The following SDK2 variants were observed in gnomAD, a reference collection of about 807,000 sequenced individuals.
The protein encoded by SDK2 is sidekick cell adhesion molecule 2, also known as protein sidekick-2.
A neutral mutation model predicts 253.9 loss-of-function variants in SDK2; 105 were observed. That is an observed-to-expected ratio of 0.41 (90% CI 0.35 to 0.49). The LOEUF is 0.49. Among genes scored for constraint, SDK2 ranks in the 20% least tolerant of loss-of-function variants. The pLI is 0.06. For synonymous variants in SDK2, 1,249 were observed against 1,234.9 expected (o/e 1.01, Z -0.24); for missense variants, 2,608 against 3,003.0 (o/e 0.87, Z 3.07).
At position 73,599,110 on chromosome 17, in the gene SDK2, C is replaced by G. The variant is rs141130862; in HGVS notation, c.64+44915G>C. On this transcript the variant is annotated intron_variant, in intron 1 of 44. Transcript: ENST00000392650. ...CTGAAGTCTCCGAGCTTCCAGAAGG[C>G]TGAGGCTGGATATTTTTCATTGTTG... Among the ~76,000 whole-genome samples, 897 of 152,348 alleles carry G rather than the reference C, an allele frequency of 5.9e-3. 6 individuals are homozygous for G. The highest frequency in any genetic ancestry group is 9.3e-3 in the Non-Finnish European group (635 of 68,040).
rs2063140985 is a variant in SDK2 at position 73,412,099 on chromosome 17, TATGTATACGTA to T, written c.2484+2534_2484+2544del. Among the ~76,000 whole-genome samples, 3 of 101,414 alleles carry T rather than the reference TATGTATACGTA, an allele frequency of 3.0e-5. 1 individual carries two copies. The highest frequency in any genetic ancestry group is 2.9e-4 in the South Asian group (1 of 3,472). 66.5% of individuals were successfully genotyped at this position (101,414 alleles called of 152,430 possible). A position where few individuals can be genotyped will look rare whatever the true frequency, so the allele number is the denominator to read the frequency against. On this transcript the variant is annotated intron_variant, in intron 18 of 44. Transcript: ENST00000392650. The stretch of plus-strand genomic sequence containing the variant: ...ATATGTATATGTATATATACGTATA[TATGTATACGTA>T]TATATGTATACGTATATATGTGTAT...
intron 2 of SDK2, among the ~76,000 whole-genome samples, chr17:73,490,696 TTATTA>T (rs771245851): frequency 2.6e-5 from 4 of 151,546 alleles, no homozygotes; most frequent in Non-Finnish European, 4.4e-5. Context: ...TGTATTATTA[TTATTA>T]TGTTTTAAGA....
chr17:73,431,381 TG>T lies in SDK2; in HGVS notation c.1480+120del. 1 of 969,700 alleles carries T rather than the reference TG, an allele frequency of 1.0e-6. No homozygotes were observed. The highest frequency in any genetic ancestry group is 1.5e-6 in the Non-Finnish European group (1 of 668,074). The allele number at this position is 969,700 out of a possible 1,614,324, so 60.1% of individuals were successfully genotyped here. ...GAAGGGCCCTGACTGGGACAGACACTGGGGATGGAGACACTGGTGGTATGAG... is the reference window on the plus strand; with the variant it reads ...GAAGGGCCCTGACTGGGACAGACACTGGGATGGAGACACTGGTGGTATGAG... On this transcript the variant is annotated intron_variant, in intron 11 of 44. Coordinates refer to ENST00000392650, the MANE Select transcript of SDK2 (RefSeq NM_001144952.2). The surrounding 1 kb of genome is among the most constrained non-coding windows in gnomAD (Gnocchi z 5.6).
chr17:73,636,914 C>T (rs761885490), intron 1 of SDK2, among the ~76,000 whole-genome samples: 5 of 152,054 alleles, frequency 3.3e-5, no homozygotes, highest in Non-Finnish European at 7.4e-5. Flanking sequence ...TGTGTATTAT[C>T]TCATTTAAGC....
chr17:73,432,874 A>ATG (rs995803749), intron 10 of SDK2, among the ~76,000 whole-genome samples: 1 of 151,864 alleles, frequency 6.6e-6, no homozygotes, highest in Non-Finnish European at 1.5e-5. Context: ...GTGTGTGCAT[A>ATG]TGTGTGTGTG....
chr17:73,447,795 GAACCTCCAGGGAGTGGGAGTGGA>G lies in SDK2; in HGVS notation c.480-70_480-48del, dbSNP rs2063464395. 2.6e-6 allele frequency: 4 copies of G among 1,550,324 alleles called. No homozygotes were observed. In the East Asian group the frequency reaches 9.8e-5, roughly 38 times the overall value. On this transcript the variant is annotated intron_variant, in intron 4 of 44. Coordinates refer to ENST00000392650, the MANE Select transcript of SDK2 (RefSeq NM_001144952.2). This position sits in a 1 kb window ranked among gnomAD's most constrained non-coding sequence, Gnocchi z 4.0. ...CTCTGACAGGGGCCTAAGGGGCTCTGAACCTCCAGGGAGTGGGAGTGGAAACCCTAAGGGGGAAGCCCGACCAT... is the reference window on the plus strand; with the variant it reads ...CTCTGACAGGGGCCTAAGGGGCTCTGAACCCTAAGGGGGAAGCCCGACCAT...
At chr17:73,363,858 C>T (rs544773924) in intron 38 of SDK2, among the ~76,000 whole-genome samples, 2 of 152,200 alleles carry the variant, frequency 1.3e-5, no homozygotes, top group South Asian at 4.2e-4. Context: ...CACTCCGGCC[C>T]TGCACCTGAC....
Position 73,338,210 on chromosome 17 carries a change from CT to C in SDK2, c.*376del. On this transcript the variant is annotated 3_prime_UTR_variant, in exon 45 of 45. Coordinates refer to ENST00000392650, the MANE Select transcript of SDK2 (RefSeq NM_001144952.2). This position sits in a 1 kb window ranked among gnomAD's most constrained non-coding sequence, Gnocchi z 5.0. ...GGGCAGCTGGCTGGACATCCAGAAG[CT>C]TTTTCTTCCCTCGGCCACGCCTGCC... 1 of 369,132 alleles carries C rather than the reference CT, an allele frequency of 2.7e-6. No individual in the cohort carries two copies. Among genetic ancestry groups the C allele is most frequent in the Non-Finnish European group, 5.3e-6 (1 of 188,896 alleles). 22.9% of individuals were successfully genotyped at this position (369,132 alleles called of 1,614,324 possible).
At chr17:73,498,451 C>T (rs980059106) in intron 2 of SDK2, among the ~76,000 whole-genome samples, 3 of 152,198 alleles carry the variant, frequency 2.0e-5, no homozygotes, top group African/African-American at 7.2e-5. Context: ...GCAGGCGGGG[C>T]TGGCACTGCC....
intron 3 of SDK2, among the ~76,000 whole-genome samples, chr17:73,468,709 T>C (rs2063621739): frequency 6.6e-6 from 1 of 151,808 alleles, no homozygotes; most frequent in Non-Finnish European, 1.5e-5. Context: ...TTATTTTTAG[T>C]AGAGATGGGG....
In SDK2 at chr17:73,383,038, A is replaced by C. The variant is rs1235662799; in HGVS notation, c.4705+838T>G. 6.6e-6 allele frequency among the ~76,000 whole-genome samples: 1 copy of C among 152,078 alleles called. No homozygotes were observed. The highest frequency in any genetic ancestry group is 2.4e-5 in the African/African-American group (1 of 41,372). ...AGCGAGACTCTGTCTAAAAAAACCCAAAAAACAAAAAAACCTCAAGTCCTG... is the reference window on the plus strand; with the variant it reads ...AGCGAGACTCTGTCTAAAAAAACCCCAAAAACAAAAAAACCTCAAGTCCTG... On this transcript the variant is annotated intron_variant, in intron 33 of 44. Transcript: ENST00000392650. This position sits in a 1 kb window ranked among gnomAD's most constrained non-coding sequence, Gnocchi z 4.3.
rs574613742 is a variant in SDK2, at chr17:73,383,760, G to T, written c.4705+116C>A. The T allele has an allele frequency of 1.1e-5, 14 of 1,263,772 alleles. No individual in the cohort carries two copies. The East Asian group carries it at 2.4e-4, about 21-fold the overall frequency. The allele number at this position is 1,263,772 out of a possible 1,614,324, so 78.3% of individuals were successfully genotyped here. ...GGAGGAGGGAGAGGCACACATGGAG[G>T]AGGGAGGCAAGGTTTCAGGTTAGAG... On this transcript the variant is annotated intron_variant, in intron 33 of 44. Transcript: ENST00000392650. This position sits in a 1 kb window ranked among gnomAD's most constrained non-coding sequence, Gnocchi z 4.3.
chr17:73,401,095 T>C lies in SDK2; in HGVS notation c.2896A>G (p.Ile966Val), dbSNP rs866277042. 1.3e-6 allele frequency: 2 copies of C among 1,567,368 alleles called. No homozygotes were observed. Among genetic ancestry groups the C allele is most frequent in the East Asian group, 2.4e-5 (1 of 42,256 alleles). Residue 966 changes from isoleucine to valine, a missense_variant, in exon 21 of 45, where the codon ATC (isoleucine) becomes GTC (valine). Physicochemically the swap from Ile to Val is conservative, Grantham distance 29. Coordinates refer to ENST00000392650, the MANE Select transcript of SDK2 (RefSeq NM_001144952.2). ...TTTGAGGTCATGGCGGCCACCTCGATGGTGTAGGTGGTGAGCGCGGTGAGG... is the reference window on the plus strand; with the variant it reads ...TTTGAGGTCATGGCGGCCACCTCGACGGTGTAGGTGGTGAGCGCGGTGAGG... ...TGLTALTTYT[I>V]EVAAMTSKGQ...
At chr17:73,421,876 T>G (rs1278895658) in intron 15 of SDK2, among the ~76,000 whole-genome samples, 2 of 152,156 alleles carry the variant, frequency 1.3e-5, no homozygotes, top group East Asian at 3.9e-4. Flanking sequence ...CATCATTTTA[T>G]AAAAGCTTTG....
At chr17:73,427,406 C>T (rs960576196) in intron 12 of SDK2, among the ~76,000 whole-genome samples, 2 of 152,150 alleles carry the variant, frequency 1.3e-5, no homozygotes. Context: ...TACTTAGTGC[C>T]TGTTTACATA....
rs1351778295 is a variant in SDK2, at chr17:73,361,138, C to A, written c.5467+546G>T. ...TGTTTCTCAAGGTGCCACTTTGTCACGGCCTCCAGGGGCTTTTGTCTAAGT... is the reference window on the plus strand; with the variant it reads ...TGTTTCTCAAGGTGCCACTTTGTCAAGGCCTCCAGGGGCTTTTGTCTAAGT... On this transcript the variant is annotated intron_variant, in intron 39 of 44. Transcript: ENST00000392650. The surrounding 1 kb of genome is among the most constrained non-coding windows in gnomAD (Gnocchi z 4.1). Among the ~76,000 whole-genome samples the A allele has an allele frequency of 3.3e-5, 5 of 152,040 alleles. No homozygotes were observed. The highest frequency in any genetic ancestry group is 1.2e-4 in the African/African-American group (5 of 41,398).
chr17:73,556,654 G>T (rs547945262), intron 1 of SDK2, among the ~76,000 whole-genome samples: 8 of 152,332 alleles, frequency 5.3e-5, no homozygotes, highest in East Asian at 1.9e-4. Context: ...GTTACCATTT[G>T]TTCCCCTTTG....
At chr17:73,499,290 C>CA (rs1231111505) in intron 2 of SDK2, among the ~76,000 whole-genome samples, 7 of 152,274 alleles carry the variant, frequency 4.6e-5, no homozygotes, top group African/African-American at 1.7e-4. Context: ...GGGGCCGTCA[C>CA]ATGTGCAGGG....
At chr17:73,427,616 T>C (rs1445247090) in intron 12 of SDK2, among the ~76,000 whole-genome samples, 2 of 126,492 alleles carry the variant, frequency 1.6e-5, no homozygotes, top group East Asian at 2.3e-4. Flanking sequence ...CAACAAACAG[T>C]GCTGGAAAAC....
Sources: gnomAD v4.1 joint callset for allele counts (sites outside exome capture counted in the v4.1 genomes callset) on GRCh38, gnomAD v4.1.1 for gene constraint, Gnocchi (gnomAD v3.1) non-coding constraint, MANE v1.5 for transcripts, NCBI Gene and HGNC (gene_info 2026-07-23, HGNC 2026-07-21) for gene names.